The following NINL variants were observed in gnomAD, a reference collection of about 807,000 sequenced individuals.
The protein encoded by NINL is ninein-like protein.
In NINL, 153 loss-of-function variants were observed where a neutral mutation model predicts 160.3. That is an observed-to-expected ratio of 0.95 (90% CI 0.84 to 1.09). NINL has a LOEUF of 1.09. Among genes scored for constraint, NINL ranks in the 50% least tolerant of loss-of-function variants. The pLI, the probability that NINL is intolerant of heterozygous loss-of-function variation, is 0.00. For missense variants in NINL, 1,829 were observed against 1,764.0 expected, an observed-to-expected ratio of 1.04 and a Z score of -0.66; for synonymous variants, 800 against 734.8, an observed-to-expected ratio of 1.09 and a Z score of -1.43.
rs771378401 is a variant in NINL, at chr20:25,476,907, C to T, written c.2384G>A (p.Arg795His). 15 of 1,612,882 alleles carry T rather than the reference C, an allele frequency of 9.3e-6. No individual in the cohort carries two copies. The highest frequency in any genetic ancestry group is 1.1e-5 in the South Asian group (1 of 91,062). ...GGCCAACGATACGCACATCTGGGCG[C>T]GCTTCTCGCTCGCACAGGGCTGCAG... ...LKLQPCASEKRAQMCVSLALE... is the reference protein window; with the variant it reads ...LKLQPCASEKHAQMCVSLALE... Residue 795 changes from arginine (R) to histidine (H), a missense_variant, in exon 17 of 24, where the codon CGC becomes CAC. Arg to His is a conservative substitution (Grantham distance 29). Transcript: ENST00000278886.
chr20:25,531,586 G>A (rs899161535), intron 1 of NINL, among the ~76,000 whole-genome samples: 11 of 152,264 alleles, frequency 7.2e-5, no homozygotes, highest in African/African-American at 1.4e-4. Flanking sequence ...GACTTCAGCC[G>A]GTCCCTCCGT....
chr20:25,531,846 G>A (rs1456839961), intron 1 of NINL, among the ~76,000 whole-genome samples: 1 of 152,184 alleles, frequency 6.6e-6, no homozygotes, highest in Non-Finnish European at 1.5e-5. Flanking sequence ...TCCCGGCTGT[G>A]GGCAAGTCCT....
chr20:25,551,157 C>T (rs988882461), intron 1 of NINL, among the ~76,000 whole-genome samples: 16 of 148,618 alleles, frequency 1.1e-4, no homozygotes, highest in African/African-American at 3.7e-4. Flanking sequence ...ATCCATTAAA[C>T]CTTGAGTCAA....
chr20:25,534,998 TCATGGTTAGTTAAATC>T (rs1326797140), intron 1 of NINL, among the ~76,000 whole-genome samples: 1 of 152,254 alleles, frequency 6.6e-6, no homozygotes, highest in African/African-American at 2.4e-5. Flanking sequence ...CATTTTTGAT[TCATGGTTAGTTAAATC>T]CACAGATGTA....
rs201891720 is a variant in NINL, at chr20:25,512,923, C to T, written c.361G>A (p.Ala121Thr). ...RRSRPELCDA[A>T]TEARRVPEQQ... ...TCCGGCACGCGTCTGGCTTCTGTGGCAGCGTCACATAGCTCAGGCCGGCTC... is the reference window on the plus strand; with the variant it reads ...TCCGGCACGCGTCTGGCTTCTGTGGTAGCGTCACATAGCTCAGGCCGGCTC... Residue 121 changes from alanine to threonine, a missense_variant, in exon 4 of 24, where the codon GCC becomes ACC. Transcript: ENST00000278886. 2.4e-4 allele frequency: 390 copies of T among 1,614,218 alleles called. 5 individuals carry two copies. In the South Asian group the frequency reaches 2.7e-3, roughly 11 times the overall value.
chr20:25,567,778 A>G (rs1177560942), intron 1 of NINL, among the ~76,000 whole-genome samples: 1 of 152,172 alleles, frequency 6.6e-6, no homozygotes, highest in African/African-American at 2.4e-5. Context: ...TAATAGAAAG[A>G]TGCAACCGAA....
At chr20:25,543,745 G>A (rs1238682910) in intron 1 of NINL, among the ~76,000 whole-genome samples, 1 of 152,130 alleles carries the variant, frequency 6.6e-6, no homozygotes, top group Non-Finnish European at 1.5e-5. Flanking sequence ...TTGCACAAGA[G>A]TGTAACATTT....
rs1342669274 is a variant in NINL, at chr20:25,491,434, G to A, written c.1402C>T (p.Gln468Ter). The A allele has an allele frequency of 4.3e-6, 7 of 1,613,800 alleles. No homozygotes were observed. Among genetic ancestry groups the A allele is most frequent in the Non-Finnish European group, 2.5e-6 (3 of 1,180,012 alleles). ...RELFWEQAHR[Q>*]RAALEWDVGR... The stretch of plus-strand genomic sequence containing the variant: ...ACGTCCCACTCCAGCGCGGCCCTCT[G>A]CCTGTGGGCCTGCTCCCAGAACAGC... The change falls in exon 11 of 24, where the codon CAG becomes TAG. Residue 468 changes from glutamine to a stop codon, truncating the protein, a stop_gained. Coordinates refer to ENST00000278886, the MANE Select transcript of NINL (RefSeq NM_025176.6). LOFTEE classifies it high-confidence loss of function.
At chr20:25,498,080 G>A in intron 9 of NINL, 130 bp downstream of exon 9, 1 of 1,131,268 alleles carries the variant, frequency 8.8e-7, no homozygotes, top group Non-Finnish European at 1.3e-6. Flanking sequence ...ACAGTGTGCA[G>A]AGCCCTGCCC....
rs944733171 is a variant in NINL at position 25,498,228 on chromosome 20, T to C, written c.1151A>G (p.Gln384Arg). 2 of 1,612,994 alleles carry C rather than the reference T, an allele frequency of 1.2e-6. No individual in the cohort carries two copies. ...CTCTTACTGCTGGTAGCTCAGCTCC[T>C]GGTGGTAGCAGGCCAGGGCTGCCTG... is the stretch of plus-strand genomic sequence containing the variant. ...VQQAALACYH[Q>R]ELSYQQGQVE... The change falls in exon 9 of 24, where the codon CAG becomes CGG. Residue 384 changes from glutamine to arginine, a missense_variant. Coordinates refer to ENST00000278886, the MANE Select transcript of NINL (RefSeq NM_025176.6).
intron 1 of NINL, among the ~76,000 whole-genome samples, chr20:25,544,164 C>T (rs2064705600): frequency 1.4e-5 from 2 of 145,040 alleles, no homozygotes; most frequent in African/African-American, 5.4e-5. Context: ...CACATATTCT[C>T]ACTTCTGTTC....
At chr20:25,550,469 C>A (rs960433701) in intron 1 of NINL, among the ~76,000 whole-genome samples, 2 of 151,836 alleles carry the variant, frequency 1.3e-5, no homozygotes, top group African/African-American at 4.8e-5. Flanking sequence ...GACCGGCGCT[C>A]CGCAAGCAAG....
At position 25,469,922 on chromosome 20, in the gene NINL, C is replaced by A. The variant is rs553867031; in HGVS notation, c.3353+69G>T. The A allele has an allele frequency of 9.9e-6, 10 of 1,010,908 alleles. No individual in the cohort carries two copies. The Admixed American group carries it at 1.2e-4, about 13-fold the overall frequency. 62.6% of individuals were successfully genotyped at this position (1,010,908 alleles called of 1,614,324 possible). On this transcript the variant is annotated intron_variant, in intron 18 of 23. Transcript: ENST00000278886. The stretch of plus-strand genomic sequence containing the variant: ...ACACTTCCCACTGTCTATATGGAGA[C>A]TGCATAAGGTCACTCTACGGAGGGC...
At chr20:25,509,030 G>C (rs1250390786) in intron 5 of NINL, among the ~76,000 whole-genome samples, 1 of 152,174 alleles carries the variant, frequency 6.6e-6, no homozygotes, top group Non-Finnish European at 1.5e-5. Context: ...CTTCAGGTCT[G>C]TGTCCCTTCT....
rs368328747 is a variant in NINL at position 25,458,446 on chromosome 20, G to A, written c.3780C>T (p.Ala1260=). 6.9e-5 allele frequency: 110 copies of A among 1,605,562 alleles called. No homozygotes were observed. Among genetic ancestry groups the A allele is most frequent in the Non-Finnish European group, 8.6e-5 (101 of 1,179,950 alleles). ...EVRLVPQDRV[A]ELHRLLSLQG... ...GAAGGCTGAGCAGGCGATGCAGCTC[G>A]GCCACACGGTCCTGGGGCACCAGCC... The change falls in exon 22 of 24, where the codon GCC becomes GCT. Residue 1260 remains alanine (A), a synonymous_variant. Transcript: ENST00000278886.
At position 25,501,922 on chromosome 20, in the gene NINL, C is replaced by T. The variant is rs541142678; in HGVS notation, c.862-912G>A. ...GGGACTACAGGCATGAGCACTGTGC[C>T]GGGTCCTCATTGATTTTTTTCACCA... On this transcript the variant is annotated intron_variant, in intron 7 of 23. Transcript: ENST00000278886. Among the ~76,000 whole-genome samples the T allele has an allele frequency of 1.1e-3, 172 of 152,204 alleles. 1 individual carries two copies. Among genetic ancestry groups the T allele is most frequent in the Non-Finnish European group, 1.9e-3 (131 of 68,024 alleles).
At chr20:25,486,385 T>G (rs1437259464) in intron 13 of NINL, among the ~76,000 whole-genome samples, 3 of 152,166 alleles carry the variant, frequency 2.0e-5, no homozygotes, top group Non-Finnish European at 2.9e-5. Context: ...AACAGAATCA[T>G]GTTAAAGAAA....
At chr20:25,480,650 G>T (rs775149993) in intron 14 of NINL, among the ~76,000 whole-genome samples, 24 of 152,192 alleles carry the variant, frequency 1.6e-4, no homozygotes, top group Non-Finnish European at 3.1e-4. Context: ...ATGATGTGCC[G>T]ATGACCACAG....
At position 25,512,895 on chromosome 20, in the gene NINL, T is replaced by G; in HGVS notation, c.389A>C (p.Gln130Pro). 1 of 1,614,226 alleles carries G rather than the reference T, an allele frequency of 6.2e-7. No individual in the cohort carries two copies. The highest frequency in any genetic ancestry group is 8.5e-7 in the Non-Finnish European group (1 of 1,180,036). The change falls in exon 4 of 24, where the codon CAG becomes CCG. Residue 130 changes from glutamine (Q) to proline (P), a missense_variant. Transcript: ENST00000278886. ...ACTTTTCAGGCTGGCCTGGGTTTGC[T>G]GCTCCGGCACGCGTCTGGCTTCTGT... Reference protein sequence around the residue: ...AATEARRVPEQQTQASLKSHL... With the variant: ...AATEARRVPEPQTQASLKSHL...
Sources: allele counts gnomAD v4.1 joint callset (sites outside exome capture counted in the v4.1 genomes callset), GRCh38; gene constraint gnomAD v4.1.1; transcripts MANE v1.5; gene names NCBI Gene and HGNC (gene_info 2026-07-23, HGNC 2026-07-21).